The following DYNC1I1 variants were observed in gnomAD, a reference collection of about 807,000 sequenced individuals.
DYNC1I1 encodes the protein dynein cytoplasmic 1 intermediate chain 1.
Under a neutral mutation model 86.6 loss-of-function variants are expected in DYNC1I1, and 43 were observed. That is an observed-to-expected ratio of 0.50 (90% CI 0.39 to 0.64). The LOEUF is 0.64. Ranked by LOEUF, DYNC1I1 falls within the 30% of genes least tolerant of loss-of-function variation. DYNC1I1 has a pLI of 0.00. For missense variants in DYNC1I1, 604 were observed against 788.8 expected (o/e 0.77, Z 2.81); for synonymous variants, 262 against 283.7 (o/e 0.92, Z 0.77).
intron 6 of DYNC1I1, among the ~76,000 whole-genome samples, chr7:95,892,124 T>C (rs1174405786): frequency 1.3e-5 from 2 of 151,130 alleles, no homozygotes; most frequent in Admixed American, 6.6e-5. Flanking sequence ...TGCACCACCA[T>C]GCCCAGCTAA....
At chr7:95,795,799 A>G (rs1327285886) in intron 1 of DYNC1I1, among the ~76,000 whole-genome samples, 1 of 152,026 alleles carries the variant, frequency 6.6e-6, no homozygotes. Flanking sequence ...TAGGCTTAAT[A>G]CCTGGGGGAT....
At chr7:95,804,595 T>C in intron 1 of DYNC1I1, 126 bp from the exon 2 acceptor site, 1 of 1,108,524 alleles carries the variant, frequency 9.0e-7, no homozygotes, top group Non-Finnish European at 1.2e-6. Context: ...GGCTAAATAA[T>C]ACAACCTCTT....
chr7:95,940,845 G>A (rs1457799595), intron 6 of DYNC1I1, among the ~76,000 whole-genome samples: 3 of 152,206 alleles, frequency 2.0e-5, no homozygotes, highest in African/African-American at 4.8e-5. Flanking sequence ...CTGGTGAGGA[G>A]CTACGTTCCT....
intron 6 of DYNC1I1, among the ~76,000 whole-genome samples, chr7:95,905,630 C>T (rs1469714265): frequency 6.6e-6 from 1 of 151,878 alleles, no homozygotes; most frequent in African/African-American, 2.4e-5. Flanking sequence ...ATGAGATGTT[C>T]GCCAGGGGGT....
chr7:95,865,613 C>T (rs961563203), intron 5 of DYNC1I1, among the ~76,000 whole-genome samples: 2 of 152,140 alleles, frequency 1.3e-5, no homozygotes, highest in Admixed American at 6.5e-5. Context: ...TGGTCAATGA[C>T]GCACTGTGTA....
At chr7:95,939,018 A>C (rs539023350) in intron 6 of DYNC1I1, among the ~76,000 whole-genome samples, 1 of 152,228 alleles carries the variant, frequency 6.6e-6, no homozygotes. Context: ...ATTGGTTTCA[A>C]AGAACATCTT....
intron 4 of DYNC1I1, among the ~76,000 whole-genome samples, chr7:95,815,537 C>T (rs776246109): frequency 2.0e-5 from 3 of 151,972 alleles, no homozygotes. Flanking sequence ...ATGTTTTTTT[C>T]TTTAATAAAA....
chr7:95,878,427 A>G (rs1562930980), intron 6 of DYNC1I1, among the ~76,000 whole-genome samples: 1 of 152,240 alleles, frequency 6.6e-6, no homozygotes, highest in Non-Finnish European at 1.5e-5. Flanking sequence ...AGTTCAGTAC[A>G]AAAACTGAAG....
intron 5 of DYNC1I1, among the ~76,000 whole-genome samples, chr7:95,860,891 A>T (rs1789858967): frequency 6.6e-6 from 1 of 152,130 alleles, no homozygotes; most frequent in African/African-American, 2.4e-5. Context: ...AGCCTTCATG[A>T]TGTAATTACT....
intron 5 of DYNC1I1, among the ~76,000 whole-genome samples, chr7:95,854,591 A>G (rs996537173): frequency 6.6e-6 from 1 of 152,168 alleles, no homozygotes; most frequent in South Asian, 2.1e-4. Flanking sequence ...GCAGTATTAG[A>G]TTATTCTGAA....
At chr7:95,819,498 T>C (rs1430027083) in intron 4 of DYNC1I1, among the ~76,000 whole-genome samples, 1 of 152,094 alleles carries the variant, frequency 6.6e-6, no homozygotes, top group East Asian at 1.9e-4. Context: ...TCAAAGGACT[T>C]GACCCATTTG....
chr7:95,917,356 C>T (rs1791497520), intron 6 of DYNC1I1, among the ~76,000 whole-genome samples: 1 of 152,116 alleles, frequency 6.6e-6, no homozygotes, highest in East Asian at 1.9e-4. Flanking sequence ...ATATCCCTTC[C>T]AGCACCTCCA....
At chr7:96,080,886 G>A (rs756968197) in intron 16 of DYNC1I1, among the ~76,000 whole-genome samples, 5 of 151,802 alleles carry the variant, frequency 3.3e-5, no homozygotes, top group Admixed American at 1.3e-4. Context: ...GCTGGCCAAC[G>A]TAGTGAAATC....
rs1437818421 is a variant in DYNC1I1, at chr7:96,076,206, C to T, written c.1650+9C>T. Reference sequence around the variant, plus strand: ...TCAACAATGACACCGAGGTGAGCGGCGGCTCAGGCGCCCGGGCCGGAGGGC... The same window carrying T: ...TCAACAATGACACCGAGGTGAGCGGTGGCTCAGGCGCCCGGGCCGGAGGGC... On this transcript the variant is annotated intron_variant, in intron 15 of 16. Transcript: ENST00000447467. 14 of 1,613,506 alleles carry T rather than the reference C, an allele frequency of 8.7e-6. No individual in the cohort carries two copies. The highest frequency in any genetic ancestry group is 1.2e-5 in the Non-Finnish European group (14 of 1,179,654).
intron 10 of DYNC1I1, among the ~76,000 whole-genome samples, chr7:96,015,661 C>G (rs1794382998): frequency 6.6e-6 from 1 of 152,060 alleles, no homozygotes; most frequent in African/African-American, 2.4e-5. Context: ...CATAAATGTT[C>G]CGGTAAGAGG....
chr7:95,932,100 T>C (rs747520856), intron 6 of DYNC1I1, among the ~76,000 whole-genome samples: 36 of 152,256 alleles, frequency 2.4e-4, no homozygotes, highest in African/African-American at 8.4e-4. Flanking sequence ...TTGCTGTTCA[T>C]GTCAAAATAT....
At chr7:95,773,287 G>A (rs1793753919) in intron 1 of DYNC1I1, among the ~76,000 whole-genome samples, 1 of 152,210 alleles carries the variant, frequency 6.6e-6, no homozygotes, top group African/African-American at 2.4e-5. Flanking sequence ...ACTTCCAGCA[G>A]GGCATTAATT....
chr7:95,893,985 C>A (rs1342898106), intron 6 of DYNC1I1, among the ~76,000 whole-genome samples: 3 of 152,064 alleles, frequency 2.0e-5, no homozygotes, highest in Non-Finnish European at 4.4e-5. Context: ...AGTGGATAAC[C>A]CTTTCCCAAA....
At chr7:95,810,362 T>C (rs776126904) in intron 2 of DYNC1I1, 30 bp from the exon 3 acceptor site, 1 of 1,559,822 alleles carries the variant, frequency 6.4e-7, no homozygotes, top group Non-Finnish European at 8.7e-7. Flanking sequence ...AGTTATGTTA[T>C]TAACTTTTCT....
Sources: gnomAD v4.1 joint callset for allele counts (sites outside exome capture counted in the v4.1 genomes callset) on GRCh38, gnomAD v4.1.1 for gene constraint, MANE v1.5 for transcripts, NCBI Gene and HGNC (gene_info 2026-07-23, HGNC 2026-07-21) for gene names.